The following GRIP1 variants were observed in gnomAD, a reference collection of about 807,000 sequenced individuals.
GRIP1 encodes the protein glutamate receptor-interacting protein 1.
Under a neutral mutation model 129.9 loss-of-function variants are expected in GRIP1, and 45 were observed. That is an observed-to-expected ratio of 0.35 (90% CI 0.27 to 0.44). GRIP1 has a LOEUF of 0.44. Among genes scored for constraint, GRIP1 ranks in the 20% least tolerant of loss-of-function variants. The probability of loss-of-function intolerance (pLI) is 1.00; values close to 1 mark genes in which losing one functional copy is unlikely to be tolerated. For missense variants in GRIP1, 1,196 were observed against 1,396.8 expected (o/e 0.86, Z 2.29); for synonymous variants, 530 against 520.8 (o/e 1.02, Z -0.24).
chr12:66,582,687 T>C (rs1479488351), intron 2 of GRIP1, among the ~76,000 whole-genome samples: 1 of 142,730 alleles, frequency 7.0e-6, no homozygotes, highest in Admixed American at 7.1e-5. Flanking sequence ...TACCTAGGAA[T>C]CCAACTTACA....
chr12:66,762,079 C>G (rs2037492934), intron 1 of GRIP1, among the ~76,000 whole-genome samples: 1 of 152,136 alleles, frequency 6.6e-6, no homozygotes, highest in South Asian at 2.1e-4. Flanking sequence ...AACTCAGAGC[C>G]TGGCACATAA....
intron 2 of GRIP1, among the ~76,000 whole-genome samples, chr12:66,591,755 G>A (rs908878314): frequency 6.6e-6 from 1 of 152,054 alleles, no homozygotes; most frequent in African/African-American, 2.4e-5. Context: ...TCAATGTCCT[G>A]AGTAGCTGGG....
chr12:66,997,672 G>A lies in GRIP1; in HGVS notation c.58+71378C>T, dbSNP rs73317159. ...GCTATGAATAATGGATATTGTTGAC[G>A]CAGAAACCAATGCAAATGAATTGGT... On this transcript the variant is annotated intron_variant, in intron 1 of 1. Transcript: ENST00000643019. Among the ~76,000 whole-genome samples the A allele has an allele frequency of 3.2e-3, 481 of 152,256 alleles. 3 individuals carry two copies. The highest frequency in any genetic ancestry group is 0.011 in the African/African-American group (465 of 41,548).
chr12:66,773,361 T>C (rs1035602377), intron 1 of GRIP1, among the ~76,000 whole-genome samples: 5 of 152,192 alleles, frequency 3.3e-5, no homozygotes, highest in South Asian at 2.1e-4. Context: ...AGTAATGGGA[T>C]TGATGGGTCA....
intron 1 of GRIP1, among the ~76,000 whole-genome samples, chr12:66,859,479 T>C (rs1436020917): frequency 6.6e-6 from 1 of 151,888 alleles, no homozygotes; most frequent in Non-Finnish European, 1.5e-5. Context: ...GTAAGTACAC[T>C]ACATAAATAA....
chr12:66,492,532 C>T (rs894267544), intron 7 of GRIP1, among the ~76,000 whole-genome samples: 13 of 152,154 alleles, frequency 8.5e-5, no homozygotes, highest in South Asian at 2.1e-4. Flanking sequence ...CCAGCATGAC[C>T]GCTGTGTAGA....
intron 23 of GRIP1, among the ~76,000 whole-genome samples, chr12:66,360,202 A>G (rs2054686676): frequency 6.6e-6 from 1 of 150,470 alleles, no homozygotes; most frequent in African/African-American, 2.5e-5. Context: ...TCGACATGTA[A>G]TCTCCTAGCT....
chr12:66,815,025 T>C (rs2039180936), intron 1 of GRIP1, among the ~76,000 whole-genome samples: 1 of 152,206 alleles, frequency 6.6e-6, no homozygotes, highest in Non-Finnish European at 1.5e-5. Context: ...GGGATTACAA[T>C]TCGAGATGAG....
At chr12:66,471,667 G>A (rs1470970196) in intron 7 of GRIP1, among the ~76,000 whole-genome samples, 1 of 151,964 alleles carries the variant, frequency 6.6e-6, no homozygotes, top group Non-Finnish European at 1.5e-5. Context: ...TGGAAATAAA[G>A]ATGATTCTAG....
chr12:66,574,176 C>T (rs2063060845), intron 2 of GRIP1, among the ~76,000 whole-genome samples: 1 of 152,202 alleles, frequency 6.6e-6, no homozygotes, highest in African/African-American at 2.4e-5. Flanking sequence ...ATCTGCAGGG[C>T]TGGGTCAGGG....
Position 66,908,225 on chromosome 12 carries a change from G to A in GRIP1, c.58+160825C>T, listed in dbSNP as rs548949751. ...CATCTCAAAACCAACAAGATGAGATGAATAAGAGAGTGCAGAACACAGCTT... is the reference window on the plus strand; with the variant it reads ...CATCTCAAAACCAACAAGATGAGATAAATAAGAGAGTGCAGAACACAGCTT... On this transcript the variant is annotated intron_variant, in intron 1 of 1. Transcript: ENST00000643019. Among the ~76,000 whole-genome samples, 39 of 152,240 alleles carry A rather than the reference G, an allele frequency of 2.6e-4. No homozygotes were observed. The South Asian group carries it at 6.4e-3, about 25-fold the overall frequency.
At chr12:66,401,049 C>T (rs2056968729) in intron 16 of GRIP1, among the ~76,000 whole-genome samples, 1 of 152,172 alleles carries the variant, frequency 6.6e-6, no homozygotes, top group African/African-American at 2.4e-5. Flanking sequence ...ACCTGAGTTA[C>T]ATTCCTTCAG....
intron 1 of GRIP1, among the ~76,000 whole-genome samples, chr12:66,802,097 C>A (rs1399004219): frequency 6.6e-6 from 1 of 151,998 alleles, no homozygotes. Context: ...AAACCGAAGC[C>A]AAAAGATGCA....
chr12:66,581,949 C>T (rs11176281), intron 2 of GRIP1, among the ~76,000 whole-genome samples: 37,387 of 151,764 alleles, frequency 0.25, 4,729 homozygotes, highest in Admixed American at 0.28. Flanking sequence ...AGAGACACAA[C>T]GAAAAAAGAG....
intron 1 of GRIP1, among the ~76,000 whole-genome samples, chr12:66,881,432 C>T (rs549190425): frequency 6.6e-6 from 1 of 152,260 alleles, no homozygotes; most frequent in South Asian, 2.1e-4. Context: ...AAATTACATG[C>T]ACATATAATT....
At chr12:66,727,880 T>G (rs1014279260) in intron 1 of GRIP1, among the ~76,000 whole-genome samples, 2 of 152,182 alleles carry the variant, frequency 1.3e-5, no homozygotes, top group African/African-American at 2.4e-5. Context: ...CAGCCTTCTG[T>G]TGGAAAAATT....
chr12:66,887,479 C>G (rs1193836294), intron 1 of GRIP1, among the ~76,000 whole-genome samples: 4 of 152,108 alleles, frequency 2.6e-5, no homozygotes, highest in Non-Finnish European at 4.4e-5. Flanking sequence ...TATAAGGAGC[C>G]TATTAATGTT....
chr12:66,785,363 T>TATA (rs5798837), intron 1 of GRIP1, among the ~76,000 whole-genome samples: 5 of 141,690 alleles, frequency 3.5e-5, no homozygotes, highest in African/African-American at 5.2e-5. Context: ...TATATATATA[T>TATA]TAGTTGGGCA....
intron 1 of GRIP1, among the ~76,000 whole-genome samples, chr12:66,965,064 A>G (rs911188980): frequency 1.3e-5 from 2 of 152,124 alleles, no homozygotes; most frequent in African/African-American, 4.8e-5. Flanking sequence ...ATTCTGAGGT[A>G]CTGGGGGTTA....
Sources: gnomAD v4.1 joint callset for allele counts (sites outside exome capture counted in the v4.1 genomes callset) on GRCh38, gnomAD v4.1.1 for gene constraint, MANE v1.5 for transcripts, NCBI Gene and HGNC (gene_info 2026-07-23, HGNC 2026-07-21) for gene names.